Variants in ANK1 observed in about 807,000 individuals in gnomAD.
ANK1 encodes the protein ankyrin 1.
ANK1 carries 51 observed loss-of-function variants against 210.4 expected under a neutral mutation model. The ratio of observed to expected loss-of-function variants is 0.24; its 90% CI spans 0.19 to 0.31. The LOEUF is 0.31. Among genes scored for constraint, ANK1 ranks in the 10% least tolerant of loss-of-function variants. The pLI, the probability that ANK1 is intolerant of heterozygous loss-of-function variation, is 1.00. For missense variants in ANK1, 2,051 were observed against 2,504.4 expected (o/e 0.82, Z 3.86); for synonymous variants, 967 against 1,025.9 (o/e 0.94, Z 1.10).
chr8:41,828,156 G>T (rs1587261076), intron 1 of ANK1: 1 of 152,202 alleles, frequency 6.6e-6, no homozygotes, highest in Non-Finnish European at 1.5e-5. Context: ...TGGAGTTCCC[G>T]GTCGGTCCTC....
chr8:41,783,180 T>C (rs1189980039), intron 1 of ANK1, among the ~76,000 whole-genome samples: 1 of 152,094 alleles, frequency 6.6e-6, no homozygotes, highest in Non-Finnish European at 1.5e-5. Flanking sequence ...CCTCTGAGAG[T>C]TGTCTAACTG....
chr8:41,736,490 A>C (rs1005450478), intron 2 of ANK1, among the ~76,000 whole-genome samples: 1 of 152,140 alleles, frequency 6.6e-6, no homozygotes, highest in South Asian at 2.1e-4. Context: ...ATTGCTTGGG[A>C]ACTGGGTTGG....
At chr8:41,663,933 G>T in intron 39 of ANK1, 191 bp from the exon 40 acceptor site, 1 of 668,234 alleles carries the variant, frequency 1.5e-6, no homozygotes, top group South Asian at 1.6e-5. Context: ...GCCCCTGAGG[G>T]TCTGGGAGGC....
intron 38 of ANK1, 33 bp from the exon 39 acceptor site, chr8:41,668,597 C>G: frequency 6.3e-7 from 1 of 1,597,482 alleles, no homozygotes; most frequent in Non-Finnish European, 8.6e-7. Flanking sequence ...GATGGCCGGC[C>G]GGGGAGAGAG....
chr8:41,821,157 C>T (rs1263077596), intron 1 of ANK1, among the ~76,000 whole-genome samples: 1 of 152,176 alleles, frequency 6.6e-6, no homozygotes, highest in African/African-American at 2.4e-5. Flanking sequence ...ATTCTGGTCT[C>T]CTAAGGTCAT....
At chr8:41,722,906 C>T (rs115660943) in intron 9 of ANK1, among the ~76,000 whole-genome samples, 2 of 152,288 alleles carry the variant, frequency 1.3e-5, no homozygotes, top group African/African-American at 4.8e-5. Flanking sequence ...TTGTCTCATA[C>T]CTGGTCCTTT....
Position 41,727,959 on chromosome 8 carries a change from C to G in ANK1, c.276G>C (p.Glu92Asp), listed in dbSNP as rs367970006. ...CATAGTTGACAAGCTCCCGGACCAC[C>G]TCATCCTGCCCGGCTAGAGCAGCGA... ...LHIAALAGQDEVVRELVNYGA... is the reference protein window; with the variant it reads ...LHIAALAGQDDVVRELVNYGA... Residue 92 changes from glutamate to aspartate, a missense_variant, in exon 4 of 43, where the codon GAG becomes GAC. Physicochemically the swap from Glu to Asp is conservative, Grantham distance 45. Coordinates refer to ENST00000289734, the MANE Select transcript of ANK1 (RefSeq NM_000037.4). 55 of 1,614,072 alleles carry G rather than the reference C, an allele frequency of 3.4e-5. No individual in the cohort carries two copies. The highest frequency in any genetic ancestry group is 4.5e-5 in the Non-Finnish European group (53 of 1,180,042).
At chr8:41,682,817 C>T (rs780798647) in intron 37 of ANK1, among the ~76,000 whole-genome samples, 83 of 152,324 alleles carry the variant, frequency 5.4e-4, no homozygotes, top group Admixed American at 1.7e-3. Flanking sequence ...CAAAAGTATG[C>T]GCTGGGTGTC....
At chr8:41,831,276 A>T (rs1806556189) in intron 1 of ANK1, among the ~76,000 whole-genome samples, 1 of 152,204 alleles carries the variant, frequency 6.6e-6, no homozygotes, top group Admixed American at 6.5e-5. Flanking sequence ...CTCAAGCCCC[A>T]AGAGTTTCTT....
intron 21 of ANK1, 73 bp downstream of exon 21, chr8:41,701,979 A>G: frequency 1.3e-6 from 2 of 1,500,728 alleles, no homozygotes; most frequent in South Asian, 2.3e-5. Flanking sequence ...CCCCACTTCC[A>G]GAGTAACCCC....
chr8:41,884,560 C>G (rs1818119501), intron 1 of ANK1, among the ~76,000 whole-genome samples: 3 of 151,868 alleles, frequency 2.0e-5, no homozygotes. Flanking sequence ...AGAGGCCGAG[C>G]ACCGCGGCTC....
At position 41,694,778 on chromosome 8, in the gene ANK1, C is replaced by T. The variant is rs559983890; in HGVS notation, c.3141G>A (p.Glu1047=). The change falls in exon 28 of 43, where the codon GAG becomes GAA. Residue 1047 remains glutamate, a synonymous_variant. Coordinates refer to ENST00000289734, the MANE Select transcript of ANK1 (RefSeq NM_000037.4). The surrounding 1 kb of genome is among the most constrained non-coding windows in gnomAD (Gnocchi z 5.7). ...DEELGSLEEL[E]KKRVCRIITT... is the part of the protein sequence containing the mutation. ...TGATGATTCGGCACACCCTCTTCTT[C>T]TCTAGCTCCTCCAGGCTCCCCAGCT... 1.9e-6 allele frequency: 3 copies of T among 1,614,180 alleles called. No individual in the cohort carries two copies. In the African/African-American group the frequency reaches 4.0e-5, roughly 22 times the overall value.
At chr8:41,750,986 G>A (rs912703656) in intron 2 of ANK1, among the ~76,000 whole-genome samples, 4 of 152,118 alleles carry the variant, frequency 2.6e-5, no homozygotes, top group African/African-American at 2.4e-5. Context: ...TTGCCCCCGG[G>A]ATTCCAGCTC....
intron 37 of ANK1, among the ~76,000 whole-genome samples, chr8:41,678,045 C>A (rs1178109946): frequency 6.6e-6 from 1 of 152,184 alleles, no homozygotes; most frequent in Admixed American, 6.5e-5. Context: ...TAGAGTTGCT[C>A]ACGTGTTTCC....
chr8:41,855,417 C>G (rs187071256), intron 1 of ANK1, among the ~76,000 whole-genome samples: 176 of 152,310 alleles, frequency 1.2e-3, no homozygotes, highest in African/African-American at 3.9e-3. Flanking sequence ...CGTAACAAAG[C>G]ACCACACAGA....
intron 16 of ANK1, among the ~76,000 whole-genome samples, chr8:41,710,114 T>C (rs1273798246): frequency 6.8e-6 from 1 of 146,474 alleles, no homozygotes; most frequent in Non-Finnish European, 1.5e-5. Context: ...CAAGACTGTC[T>C]CAGTGAAGGA....
At chr8:41,812,923 T>C (rs912942234) in intron 1 of ANK1, among the ~76,000 whole-genome samples, 1 of 152,164 alleles carries the variant, frequency 6.6e-6, no homozygotes, top group African/African-American at 2.4e-5. Flanking sequence ...ATTGCTCACT[T>C]CCTGCTGTGC....
chr8:41,773,320 C>T (rs1326210682), intron 1 of ANK1, among the ~76,000 whole-genome samples: 1 of 152,028 alleles, frequency 6.6e-6, no homozygotes, highest in African/African-American at 2.4e-5. Flanking sequence ...GGTTGGCAGC[C>T]CTGGAGTCTA....
chr8:41,702,222 C>G, intron 20 of ANK1, 78 bp from the exon 21 acceptor site: 1 of 1,215,818 alleles, frequency 8.2e-7, no homozygotes, highest in Non-Finnish European at 1.2e-6. Flanking sequence ...AGACACAGAT[C>G]GAGTTCACCT....
Sources: gnomAD v4.1 joint callset for allele counts (sites outside exome capture counted in the v4.1 genomes callset) on GRCh38, gnomAD v4.1.1 for gene constraint, Gnocchi (gnomAD v3.1) non-coding constraint, MANE v1.5 for transcripts, NCBI Gene and HGNC (gene_info 2026-07-23, HGNC 2026-07-21) for gene names.